Variants in ERLEC1 observed in about 807,000 individuals in gnomAD.
The protein encoded by ERLEC1 is endoplasmic reticulum lectin 1.
Under a neutral mutation model 68.0 loss-of-function variants are expected in ERLEC1, and 47 were observed. The observed-to-expected ratio is 0.69, with a 90% confidence interval of 0.55 to 0.88. The LOEUF is 0.88. Ranked by LOEUF, ERLEC1 falls within the 40% of genes least tolerant of loss-of-function variation. The pLI is 0.00. For synonymous variants in ERLEC1, 225 were observed against 203.2 expected, an observed-to-expected ratio of 1.11 and a Z score of -0.91; for missense variants, 567 against 583.8, an observed-to-expected ratio of 0.97 and a Z score of 0.30.
At position 53,808,352 on chromosome 2, in the gene ERLEC1, T is replaced by C; in HGVS notation, c.933T>C (p.Ile311=). Residue 311 remains isoleucine, a synonymous_variant, in exon 9 of 14, where the codon ATT becomes ATC. Transcript: ENST00000185150. The stretch of plus-strand genomic sequence containing the variant: ...GATTTCCAGCGATCCACAAGTCGAT[T>C]GCTATTGGCTCTCAGCCAGTGCTCA... ...EERFPAIHKS[I]AIGSQPVLTV... 6.2e-7 allele frequency: 1 copy of C among 1,614,134 alleles called. No homozygotes were observed. The highest frequency in any genetic ancestry group is 1.1e-5 in the South Asian group (1 of 91,064).
chr2:53,803,174 C>G (rs1033619870), intron 8 of ERLEC1, among the ~76,000 whole-genome samples: 1 of 152,194 alleles, frequency 6.6e-6, no homozygotes, highest in African/African-American at 2.4e-5. Flanking sequence ...AAGAAACATA[C>G]TTGGCTGCAA....
intron 10 of ERLEC1, among the ~76,000 whole-genome samples, chr2:53,810,827 C>A (rs1209922003): frequency 6.6e-6 from 1 of 152,002 alleles, no homozygotes; most frequent in African/African-American, 2.4e-5. Context: ...TCCATTTATT[C>A]CTGCTACTTT....
At chr2:53,804,344 G>A (rs1423233430) in intron 8 of ERLEC1, among the ~76,000 whole-genome samples, 1 of 151,978 alleles carries the variant, frequency 6.6e-6, no homozygotes, top group Admixed American at 6.6e-5. Context: ...CGCAATCTTG[G>A]CTCACTGCAA....
chr2:53,792,087 T>C (rs1383381053), intron 1 of ERLEC1, among the ~76,000 whole-genome samples: 3 of 151,946 alleles, frequency 2.0e-5, no homozygotes, highest in Admixed American at 6.6e-5. Context: ...AAATTTTTTT[T>C]GTATTTTTAG....
intron 13 of ERLEC1, 60 bp downstream of exon 13, chr2:53,814,995 C>CTT (rs777632156): frequency 0.019 from 8,967 of 468,042 alleles, 24 homozygotes; most frequent in South Asian, 0.032. Flanking sequence ...ATTTTTTTTT[C>CTT]TTTTTTTTTT....
In ERLEC1 at chr2:53,814,524, G is replaced by C; in HGVS notation, c.1227-19G>C. 1 of 1,586,614 alleles carries C rather than the reference G, an allele frequency of 6.3e-7. No homozygotes were observed. On this transcript the variant is annotated intron_variant, in intron 11 of 13. Transcript: ENST00000185150. ...GTGAGATTTTAGTTTAATAAAACTT[G>C]TGTGTTTCTCTGATTCAGGATGGTG...
chr2:53,815,009 T>TG (rs1303231989), intron 13 of ERLEC1, 74 bp downstream of exon 13: 82 of 1,017,844 alleles, frequency 8.1e-5, no homozygotes, highest in African/African-American at 7.7e-4. Context: ...TTTTTTTTTT[T>TG]TTTTTTTGTT....
intron 8 of ERLEC1, among the ~76,000 whole-genome samples, chr2:53,805,111 C>T (rs1383536552): frequency 6.7e-6 from 1 of 148,744 alleles, no homozygotes; most frequent in Non-Finnish European, 1.5e-5. Flanking sequence ...TCTCCTCCAA[C>T]TCCTGGTTTC....
At chr2:53,797,888 T>A (rs1021570295) in intron 5 of ERLEC1, 93 bp downstream of exon 5, 51 of 1,166,610 alleles carry the variant, frequency 4.4e-5, no homozygotes, top group Non-Finnish European at 6.2e-5. Flanking sequence ...TTTTTGGACA[T>A]TGTGTGAATT....
chr2:53,814,995 C>CTTTTTTTTTTATTTTTTTTTTT (rs1676792435), intron 13 of ERLEC1, 60 bp downstream of exon 13: 1 of 430,044 alleles, frequency 2.3e-6, no homozygotes, highest in Admixed American at 4.8e-5. Context: ...ATTTTTTTTT[C>CTTTTTTTTTTATTTTTTTTTTT]TTTTTTTTTT....
In ERLEC1 at chr2:53,787,059, G is replaced by A; in HGVS notation, c.-152G>A. On this transcript the variant is annotated 5_prime_UTR_variant, in exon 1 of 14. Coordinates refer to ENST00000185150, the MANE Select transcript of ERLEC1 (RefSeq NM_015701.5). ...TCAAGGGGGCGGAGGCGGCGTTGCC[G>A]GGCTCTCCGGAAGGAGACGTGGCGG... The A allele has an allele frequency of 1.8e-6, 2 of 1,102,596 alleles. No homozygotes were observed. The highest frequency in any genetic ancestry group is 2.5e-6 in the Non-Finnish European group (2 of 810,890). 68.3% of individuals were successfully genotyped at this position (1,102,596 alleles called of 1,614,324 possible).
intron 8 of ERLEC1, among the ~76,000 whole-genome samples, chr2:53,805,990 C>G (rs1429703856): frequency 6.6e-6 from 1 of 152,160 alleles, no homozygotes; most frequent in African/African-American, 2.4e-5. Context: ...AACTGATAAT[C>G]TTTATTTCAG....
chr2:53,810,452 T>G (rs1367694223), intron 10 of ERLEC1, among the ~76,000 whole-genome samples: 1 of 152,254 alleles, frequency 6.6e-6, no homozygotes, highest in Admixed American at 6.5e-5. Flanking sequence ...GCTTAAATTC[T>G]GAGGTTCAAG....
Position 53,814,637 on chromosome 2 carries a change from A to C in ERLEC1, c.1304+17A>C. The C allele has an allele frequency of 2.5e-6, 4 of 1,584,586 alleles. No homozygotes were observed. Among genetic ancestry groups the C allele is most frequent in the Non-Finnish European group, 3.5e-6 (4 of 1,155,172 alleles). On this transcript the variant is annotated intron_variant, in intron 12 of 13. Coordinates refer to ENST00000185150, the MANE Select transcript of ERLEC1 (RefSeq NM_015701.5). ...AAAACTAAAGTAAGTTAGACCATCA[A>C]ATCATGCTGTATGCCTTTGTCTTTT...
At chr2:53,810,117 A>G (rs960741222) in intron 10 of ERLEC1, among the ~76,000 whole-genome samples, 1 of 152,164 alleles carries the variant, frequency 6.6e-6, no homozygotes, top group Non-Finnish European at 1.5e-5. Context: ...ATAAGATCAT[A>G]CATTATCACT....
intron 1 of ERLEC1, among the ~76,000 whole-genome samples, chr2:53,790,453 C>T (rs1675329527): frequency 6.6e-6 from 1 of 151,828 alleles, no homozygotes; most frequent in Admixed American, 6.6e-5. Flanking sequence ...AGGATAAGGT[C>T]CTTTGTCTGT....
At chr2:53,792,074 G>T (rs959409490) in intron 1 of ERLEC1, among the ~76,000 whole-genome samples, 5 of 151,906 alleles carry the variant, frequency 3.3e-5, no homozygotes, top group East Asian at 1.9e-4. Context: ...ACCACGGCCG[G>T]CTAAATTTTT....
intron 13 of ERLEC1, 76 bp downstream of exon 13, chr2:53,815,011 T>TC: frequency 1.0e-6 from 1 of 988,820 alleles, no homozygotes; most frequent in Non-Finnish European, 1.5e-6. Flanking sequence ...TTTTTTTTTT[T>TC]TTTTTGTTTT....
At chr2:53,793,943 C>G (rs914798137) in intron 1 of ERLEC1, among the ~76,000 whole-genome samples, 3 of 152,064 alleles carry the variant, frequency 2.0e-5, no homozygotes, top group African/African-American at 7.2e-5. Flanking sequence ...AAACTGAAAA[C>G]CAAATACCGT....
Sources: gnomAD v4.1 joint callset for allele counts (sites outside exome capture counted in the v4.1 genomes callset) on GRCh38, gnomAD v4.1.1 for gene constraint, MANE v1.5 for transcripts, NCBI Gene and HGNC (gene_info 2026-07-23, HGNC 2026-07-21) for gene names.